Variants in EYS observed in about 807,000 individuals in gnomAD.
EYS encodes the protein EGF-like photoreceptor maintenance factor.
Under a neutral mutation model 282.1 loss-of-function variants are expected in EYS, and 250 were observed. That is an observed-to-expected ratio of 0.89 (90% CI 0.80 to 0.98). EYS has a LOEUF of 0.98. EYS is among the 50% of genes least tolerant of loss of function. The pLI, the probability that EYS is intolerant of heterozygous loss-of-function variation, is 0.00. For synonymous variants in EYS, 1,355 were observed against 1,282.9 expected (o/e 1.06, Z -1.20); for missense variants, 4,016 against 3,709.0 (o/e 1.08, Z -2.15).
chr6:65,371,708 CCTCTCTCTCTCTCTCT>C (rs140879689), intron 8 of EYS, among the ~76,000 whole-genome samples: 33 of 119,172 alleles, frequency 2.8e-4, no homozygotes, highest in East Asian at 1.4e-3. Context: ...TCTCTCTCTC[CCTCTCTCTCTCTCTCT>C]CTCTCTCTCT....
chr6:64,475,192 C>T (rs1776223145), intron 26 of EYS, among the ~76,000 whole-genome samples: 1 of 152,170 alleles, frequency 6.6e-6, no homozygotes, highest in Admixed American at 6.5e-5. Flanking sequence ...GTATCATACA[C>T]TGTATTTCTG....
intron 30 of EYS, among the ~76,000 whole-genome samples, chr6:64,247,471 A>G (rs1767057163): frequency 6.6e-6 from 1 of 152,118 alleles, no homozygotes; most frequent in South Asian, 2.1e-4. Flanking sequence ...AATAGACCAA[A>G]CGAAAAGCCA....
chr6:64,722,572 A>C (rs558696639), intron 22 of EYS, among the ~76,000 whole-genome samples: 8 of 152,056 alleles, frequency 5.3e-5, no homozygotes, highest in Non-Finnish European at 8.8e-5. Context: ...TGGTCATTTG[A>C]ACAATACAGG....
At chr6:65,454,870 G>A (rs1462282723) in intron 5 of EYS, among the ~76,000 whole-genome samples, 1 of 151,984 alleles carries the variant, frequency 6.6e-6, no homozygotes, top group African/African-American at 2.4e-5. Context: ...TCATGTATCT[G>A]TTTTTATGCC....
At chr6:64,914,710 C>T (rs2150077935) in intron 15 of EYS, among the ~76,000 whole-genome samples, 1 of 152,094 alleles carries the variant, frequency 6.6e-6, no homozygotes, top group African/African-American at 2.4e-5. Flanking sequence ...GAATAATTGG[C>T]AAAATGGTAT....
intron 9 of EYS, among the ~76,000 whole-genome samples, chr6:65,349,301 A>G (rs982608152): frequency 5.9e-5 from 9 of 151,576 alleles, no homozygotes; most frequent in Admixed American, 4.6e-4. Flanking sequence ...TGTCCAAACA[A>G]TGCACTTTTG....
chr6:65,614,809 T>A (rs978012708), intron 2 of EYS, among the ~76,000 whole-genome samples: 2 of 152,154 alleles, frequency 1.3e-5, no homozygotes, highest in African/African-American at 4.8e-5. Flanking sequence ...ATGCCAGCCT[T>A]TTAAATAAAA....
chr6:64,610,892 C>A (rs1311462629), intron 24 of EYS, among the ~76,000 whole-genome samples: 1 of 152,096 alleles, frequency 6.6e-6, no homozygotes, highest in Non-Finnish European at 1.5e-5. Flanking sequence ...CATCTCCTCC[C>A]CCAAAACCCT....
intron 31 of EYS, among the ~76,000 whole-genome samples, chr6:64,136,528 A>C (rs185258344): frequency 0.019 from 2,940 of 152,254 alleles, 79 homozygotes; most frequent in African/African-American, 0.066. Context: ...ATTTCTTAAA[A>C]TATAAGACTT....
At chr6:65,351,979 C>T (rs1051087851) in intron 9 of EYS, among the ~76,000 whole-genome samples, 2 of 151,694 alleles carry the variant, frequency 1.3e-5, no homozygotes, top group Non-Finnish European at 3.0e-5. Flanking sequence ...TTCTTTGTTT[C>T]GTCTGATTGT....
At chr6:64,088,347 A>G (rs923397505) in intron 31 of EYS, among the ~76,000 whole-genome samples, 1 of 152,074 alleles carries the variant, frequency 6.6e-6, no homozygotes, top group Non-Finnish European at 1.5e-5. Flanking sequence ...TATATTACTT[A>G]TAGTATTGAA....
chr6:64,444,594 T>G (rs1775060674), intron 26 of EYS, among the ~76,000 whole-genome samples: 1 of 152,218 alleles, frequency 6.6e-6, no homozygotes, highest in Non-Finnish European at 1.5e-5. Flanking sequence ...GAGAGTATGC[T>G]GGATTTATCA....
chr6:64,563,733 T>C (rs938447459), intron 26 of EYS, among the ~76,000 whole-genome samples: 2 of 152,130 alleles, frequency 1.3e-5, no homozygotes, highest in Non-Finnish European at 2.9e-5. Context: ...GACAGTCTAA[T>C]GAAATATTCA....
intron 14 of EYS, among the ~76,000 whole-genome samples, chr6:64,970,112 A>G (rs13193508): frequency 0.26 from 40,171 of 151,738 alleles, 6,621 homozygotes; most frequent in African/African-American, 0.46. Context: ...TAACAATGTA[A>G]AAACCTCAAA....
chr6:64,609,989 A>G (rs997333008), intron 24 of EYS, among the ~76,000 whole-genome samples: 1 of 152,016 alleles, frequency 6.6e-6, no homozygotes, highest in Non-Finnish European at 1.5e-5. Context: ...TCTATCTTAA[A>G]AATAAATGGA....
intron 30 of EYS, among the ~76,000 whole-genome samples, chr6:64,291,435 AAT>A (rs1332595297): frequency 6.6e-6 from 1 of 152,100 alleles, no homozygotes; most frequent in Admixed American, 6.5e-5. Flanking sequence ...CAAAACTGAA[AAT>A]AGTTTCATTT....
rs201900428 is a variant in EYS at position 65,459,546 on chromosome 6, C to T, written c.862+31048G>A. ...ATGAAGAGTATATGATATTTTAAAT[C>T]TGACAATTTAATGAATGAAAAGATA... On this transcript the variant is annotated intron_variant, in intron 5 of 42. Transcript: ENST00000503581. Among the ~76,000 whole-genome samples, 29 of 151,900 alleles carry T rather than the reference C, an allele frequency of 1.9e-4. No individual in the cohort carries two copies. The East Asian group carries it at 3.3e-3, about 17-fold the overall frequency.
chr6:63,932,629 T>G (rs551664117), intron 35 of EYS, among the ~76,000 whole-genome samples: 1 of 152,198 alleles, frequency 6.6e-6, no homozygotes, highest in South Asian at 2.1e-4. Context: ...TAGTAAAAAT[T>G]CTCCTATGAA....
At chr6:63,859,111 T>TTTA (rs796999871) in intron 36 of EYS, among the ~76,000 whole-genome samples, 2,011 of 71,202 alleles carry the variant, frequency 0.028, 718 homozygotes, top group Non-Finnish European at 0.037. Flanking sequence ...TTTTTTTTTT[T>TTTA]AATAGCTGGG....
Sources: gnomAD v4.1 joint callset for allele counts (sites outside exome capture counted in the v4.1 genomes callset) on GRCh38, gnomAD v4.1.1 for gene constraint, MANE v1.5 for transcripts, NCBI Gene and HGNC (gene_info 2026-07-23, HGNC 2026-07-21) for gene names.